Variants in SOAT2 observed in about 807,000 individuals in gnomAD.
The protein encoded by SOAT2 is ACAT-2.
A neutral mutation model predicts 76.0 loss-of-function variants in SOAT2; 87 were observed. The observed-to-expected ratio is 1.14, with a 90% CI of 0.96 to 1.37. The LOEUF is 1.37. Among genes scored for constraint, SOAT2 ranks in the 40% most tolerant of loss-of-function variants. The pLI is 0.00. For missense variants in SOAT2, 686 were observed against 682.1 expected (o/e 1.01, Z -0.06); for synonymous variants, 285 against 275.4 (o/e 1.03, Z -0.34).
rs748803887 is a variant in SOAT2, at chr12:53,121,287, A to T, written c.1138-16A>T. On this transcript the variant is annotated splice_polypyrimidine_tract_variant and intron_variant, in intron 11 of 14. Coordinates refer to ENST00000301466, the MANE Select transcript of SOAT2 (RefSeq NM_003578.4). ...TGCTTACCTCCTTTCCCCCACTCTG[A>T]CCCCACCTTCTCCAGGACTGGTGGA... 10 of 1,600,342 alleles carry T rather than the reference A, an allele frequency of 6.2e-6. No individual in the cohort carries two copies. In the South Asian group the frequency reaches 9.9e-5, roughly 16 times the overall value.
Position 53,103,541 on chromosome 12 carries a change from G to A in SOAT2, c.-37G>A, listed in dbSNP as rs1214221836. ...ACACTGCGAAGGAAGGAGGCAACAC[G>A]GGCAAGGGCTGCCTGCTGCCCGCTG... On this transcript the variant is annotated 5_prime_UTR_variant, in exon 1 of 15. Coordinates refer to ENST00000301466, the MANE Select transcript of SOAT2 (RefSeq NM_003578.4). The A allele has an allele frequency of 1.2e-5, 19 of 1,533,552 alleles. No homozygotes were observed. Among genetic ancestry groups the A allele is most frequent in the East Asian group, 4.9e-5 (2 of 40,882 alleles). The allele number at this position is 1,533,552 out of a possible 1,614,324, so 95.0% of individuals were successfully genotyped here. A position where few individuals can be genotyped will look rare whatever the true frequency, so the allele number is the denominator to read the frequency against.
intron 3 of SOAT2, 84 bp downstream of exon 3, chr12:53,105,327 T>G (rs1045983518): frequency 3.0e-5 from 45 of 1,495,210 alleles, no homozygotes; most frequent in Non-Finnish European, 3.9e-5. Flanking sequence ...CTTGCCAGCT[T>G]TATCAGGACC....
At chr12:53,123,248 C>G (rs767335685) in intron 13 of SOAT2, 32 bp downstream of exon 13, 3 of 1,611,924 alleles carry the variant, frequency 1.9e-6, no homozygotes, top group Non-Finnish European at 2.5e-6. Context: ...TGGAAGGGAG[C>G]CATCCAGAGG....
chr12:53,109,269 T>C (rs1486030054), intron 5 of SOAT2, among the ~76,000 whole-genome samples: 1 of 152,082 alleles, frequency 6.6e-6, no homozygotes, highest in Admixed American at 6.6e-5. Context: ...CTAATTATTA[T>C]TGATAATGTA....
chr12:53,107,431 T>G (rs1436511338), intron 5 of SOAT2, among the ~76,000 whole-genome samples: 2 of 152,110 alleles, frequency 1.3e-5, no homozygotes, highest in Non-Finnish European at 2.9e-5. Context: ...TGCAGGGCTT[T>G]AAGAAAGCAG....
intron 8 of SOAT2, 101 bp downstream of exon 8, chr12:53,118,535 C>T: frequency 1.2e-6 from 1 of 815,292 alleles, no homozygotes. Flanking sequence ...CAGGCACTGG[C>T]CACTTTCTCA....
chr12:53,108,512 A>G (rs185060875), intron 5 of SOAT2, among the ~76,000 whole-genome samples: 70 of 152,310 alleles, frequency 4.6e-4, no homozygotes, highest in African/African-American at 1.6e-3. Context: ...ACATGCTCCA[A>G]ATTTTATTCA....
intron 5 of SOAT2, among the ~76,000 whole-genome samples, chr12:53,107,622 C>CTTTTTATTTTTTTTTTTTTTTTTTTTT (rs1937954416): frequency 8.5e-6 from 1 of 117,036 alleles, no homozygotes; most frequent in Non-Finnish European, 1.7e-5. Flanking sequence ...AACAGATGTA[C>CTTTTTATTTTTTTTTTTTTTTTTTTTT]TTTTTTTTTT....
At chr12:53,118,245 T>G (rs1187820831) in intron 7 of SOAT2, 105 bp from the exon 8 acceptor site, 1 of 99,480 alleles carries the variant, frequency 1.0e-5, no homozygotes. Context: ...ACCCCCACCC[T>G]ATCCATTTCT....
intron 14 of SOAT2, 87 bp from the exon 15 acceptor site, chr12:53,123,986 T>C (rs918519349): frequency 1.2e-5 from 20 of 1,603,894 alleles, no homozygotes; most frequent in Admixed American, 5.0e-5. Flanking sequence ...AGGGCCTGGC[T>C]TGGGGGTGAT....
At chr12:53,121,972 T>C (rs556125674) in intron 12 of SOAT2, among the ~76,000 whole-genome samples, 94 of 151,828 alleles carry the variant, frequency 6.2e-4, no homozygotes, top group African/African-American at 2.1e-3. Flanking sequence ...CATGCTCAGC[T>C]AATTTTTGTA....
chr12:53,106,087 C>A, intron 5 of SOAT2, 73 bp downstream of exon 5: 1 of 1,036,648 alleles, frequency 9.6e-7, no homozygotes, highest in Non-Finnish European at 1.5e-6. Flanking sequence ...GCCCCACCTG[C>A]CCTTGGGGCA....
chr12:53,104,110 C>T (rs1215551156), intron 1 of SOAT2, 41 bp from the exon 2 acceptor site: 1 of 1,582,218 alleles, frequency 6.3e-7, no homozygotes, highest in African/African-American at 1.3e-5. Flanking sequence ...TGCAGAACCC[C>T]AATTCCTCCT....
intron 10 of SOAT2, among the ~76,000 whole-genome samples, chr12:53,120,018 G>A: frequency 6.6e-6 from 1 of 152,198 alleles, no homozygotes; most frequent in Non-Finnish European, 1.5e-5. Flanking sequence ...CCAAGTAAAT[G>A]TACATGAACA....
intron 2 of SOAT2, 107 bp from the exon 3 acceptor site, chr12:53,104,999 TA>T (rs3215347): frequency 0.075 from 90,003 of 1,197,048 alleles, 3,531 homozygotes; most frequent in East Asian, 0.14. Context: ...TTTTTTTTTT[TA>T]AAAAAAGCAC....
intron 5 of SOAT2, among the ~76,000 whole-genome samples, chr12:53,106,468 G>A (rs1937938271): frequency 6.6e-6 from 1 of 152,248 alleles, no homozygotes; most frequent in Non-Finnish European, 1.5e-5. Context: ...AAGTGCCTGG[G>A]TGGGTCATTT....
chr12:53,107,117 C>T (rs1937947796), intron 5 of SOAT2, among the ~76,000 whole-genome samples: 1 of 152,110 alleles, frequency 6.6e-6, no homozygotes, highest in South Asian at 2.1e-4. Context: ...TTAGTGAGAC[C>T]TGCTTGTCAC....
intron 5 of SOAT2, among the ~76,000 whole-genome samples, chr12:53,106,288 G>GCACACCCA (rs1402933118): frequency 6.7e-6 from 1 of 150,286 alleles, no homozygotes; most frequent in African/African-American, 2.5e-5. Flanking sequence ...GTGTGTGTGT[G>GCACACCCA]TGCACACATG....
chr12:53,117,270 T>TA (rs1565628186), intron 7 of SOAT2, among the ~76,000 whole-genome samples: 2 of 147,298 alleles, frequency 1.4e-5, no homozygotes, highest in African/African-American at 5.0e-5. Flanking sequence ...CAATTTTTTT[T>TA]TTTTTTTTTT....
Sources: gnomAD v4.1 joint callset for allele counts (sites outside exome capture counted in the v4.1 genomes callset) on GRCh38, gnomAD v4.1.1 for gene constraint, MANE v1.5 for transcripts, NCBI Gene and HGNC (gene_info 2026-07-23, HGNC 2026-07-21) for gene names.